The following NLRP9 variants were observed in gnomAD, a reference collection of about 807,000 sequenced individuals.
NLRP9 encodes the protein NLR family pyrin domain containing 9.
A neutral mutation model predicts 83.1 loss-of-function variants in NLRP9; 88 were observed. The observed-to-expected ratio is 1.06, with a 90% CI of 0.89 to 1.26. The LOEUF (loss-of-function observed/expected upper bound fraction) is 1.26. Ranked by LOEUF, NLRP9 falls within the 50% of genes most tolerant of loss-of-function variation. The pLI is 0.00. For missense variants in NLRP9, 1,308 were observed against 1,179.3 expected (o/e 1.11, Z -1.60); for synonymous variants, 521 against 447.6 (o/e 1.16, Z -2.07).
At chr19:55,720,248 C>A (rs904922106) in intron 4 of NLRP9, among the ~76,000 whole-genome samples, 15 of 152,106 alleles carry the variant, frequency 9.9e-5, no homozygotes, top group African/African-American at 3.4e-4. Context: ...TAGGTCATAG[C>A]CCCACTTGTG....
intron 4 of NLRP9, 37 bp downstream of exon 4, chr19:55,723,943 A>G: frequency 1.2e-5 from 18 of 1,564,990 alleles, no homozygotes; most frequent in Non-Finnish European, 1.6e-5. Flanking sequence ...CCCACCTTGG[A>G]AAGAAACAGC....
In NLRP9 at chr19:55,731,595, G is replaced by A. The variant is rs563618420; in HGVS notation, c.1832+404C>T. Reference sequence around the variant, plus strand: ...AAAAATTAGCCGGGCGTGGTGGCGGGCACCTGTAATCCCAGCTACCTGGGA... The same window carrying A: ...AAAAATTAGCCGGGCGTGGTGGCGGACACCTGTAATCCCAGCTACCTGGGA... On this transcript the variant is annotated intron_variant, in intron 2 of 8. Transcript: ENST00000332836. Among the ~76,000 whole-genome samples the A allele has an allele frequency of 2.6e-5, 4 of 151,932 alleles. No homozygotes were observed. In the East Asian group the frequency reaches 7.8e-4, roughly 30 times the overall value.
chr19:55,709,064 G>T lies in NLRP9; in HGVS notation c.2844-20C>A, dbSNP rs1987581059. ...TGCAGCCTGGGAAAATAGAAATAAAGTTTTTTTTTTTGTTTTTCATTTTTA... is the reference window on the plus strand; with the variant it reads ...TGCAGCCTGGGAAAATAGAAATAAATTTTTTTTTTTTGTTTTTCATTTTTA... On this transcript the variant is annotated intron_variant, in intron 8 of 8. Coordinates refer to ENST00000332836, the MANE Select transcript of NLRP9 (RefSeq NM_176820.4). The T allele has an allele frequency of 9.5e-6, 12 of 1,260,632 alleles. No individual in the cohort carries two copies. The highest frequency in any genetic ancestry group is 8.8e-5 in the East Asian group (3 of 34,032). The allele number at this position is 1,260,632 out of a possible 1,614,324, so 78.1% of individuals were successfully genotyped here. A position where few individuals can be genotyped will look rare whatever the true frequency, so the allele number is the denominator to read the frequency against.
At chr19:55,731,782 A>G (rs1004826041) in intron 2 of NLRP9, among the ~76,000 whole-genome samples, 14 of 151,988 alleles carry the variant, frequency 9.2e-5, no homozygotes, top group African/African-American at 3.4e-4. Context: ...AGCCCTATGA[A>G]GTAGACAAAA....
At position 55,711,686 on chromosome 19, in the gene NLRP9, C is replaced by T. The variant is rs377610612; in HGVS notation, c.2843+114G>A. On this transcript the variant is annotated intron_variant, in intron 8 of 8. Transcript: ENST00000332836. ...GTCAACAGGGGCCCAAGGACAGGCC[C>T]CCACCACAAACAACCCTCCAGCCTG... 1,151 of 1,065,786 alleles carry T rather than the reference C, an allele frequency of 1.1e-3. 23 individuals carry two copies. The South Asian group carries it at 0.015, about 14-fold the overall frequency. 66.0% of individuals were successfully genotyped at this position (1,065,786 alleles called of 1,614,324 possible).
chr19:55,733,434 T>C lies in NLRP9; in HGVS notation c.397A>G (p.Lys133Glu). The change falls in exon 2 of 9, where the codon AAA becomes GAA. Residue 133 changes from lysine (K) to glutamate (E), a missense_variant. Lys to Glu is a moderately conservative substitution (Grantham distance 56). Coordinates refer to ENST00000332836, the MANE Select transcript of NLRP9 (RefSeq NM_176820.4). ...GCAGTATATGCGTCATTCAATTCTT[T>C]ATACTCATTTTTCATGGTTTCTTTG... is the stretch of plus-strand genomic sequence containing the variant. ...FYKETMKNEY[K>E]ELNDAYTAAA... 2 of 1,614,050 alleles carry C rather than the reference T, an allele frequency of 1.2e-6. No homozygotes were observed. Among genetic ancestry groups the C allele is most frequent in the Non-Finnish European group, 1.7e-6 (2 of 1,179,916 alleles).
At chr19:55,728,343 G>C (rs189442964) in intron 3 of NLRP9, among the ~76,000 whole-genome samples, 1 of 152,208 alleles carries the variant, frequency 6.6e-6, no homozygotes, top group East Asian at 1.9e-4. Flanking sequence ...TTGGGAGGCC[G>C]AGGCGGGCGC....
chr19:55,731,362 T>TG (rs1374344335), intron 2 of NLRP9, among the ~76,000 whole-genome samples: 2 of 120,850 alleles, frequency 1.7e-5, no homozygotes, highest in African/African-American at 3.2e-5. Context: ...ATAAAAATGG[T>TG]GAAAAAAAAA....
intron 3 of NLRP9, among the ~76,000 whole-genome samples, chr19:55,725,728 T>TGAAAACAGG (rs1988380296): frequency 6.6e-6 from 1 of 151,934 alleles, no homozygotes; most frequent in East Asian, 1.9e-4. Context: ...TGCTACCACA[T>TGAAAACAGG]GAAAACAGGG....
chr19:55,710,325 C>T (rs1348032468), intron 8 of NLRP9, among the ~76,000 whole-genome samples: 1 of 152,164 alleles, frequency 6.6e-6, no homozygotes, highest in African/African-American at 2.4e-5. Flanking sequence ...TGCTATACAG[C>T]TCCCCGGGAC....
chr19:55,721,575 G>T (rs557652511), intron 4 of NLRP9, among the ~76,000 whole-genome samples: 2 of 152,204 alleles, frequency 1.3e-5, no homozygotes, highest in South Asian at 4.1e-4. Context: ...GCACTCAGTA[G>T]TCCAGTACTA....
chr19:55,723,204 G>T (rs186362474), intron 4 of NLRP9, among the ~76,000 whole-genome samples: 2 of 152,068 alleles, frequency 1.3e-5, no homozygotes, highest in Non-Finnish European at 2.9e-5. Flanking sequence ...ACCCAGTTAG[G>T]ACAGGGGCTG....
chr19:55,714,332 C>A (rs1027018595), intron 6 of NLRP9, among the ~76,000 whole-genome samples: 1 of 151,280 alleles, frequency 6.6e-6, no homozygotes, highest in African/African-American at 2.4e-5. Context: ...CACCTGCATG[C>A]ATTGATCATA....
At chr19:55,713,615 TC>T (rs1472151218) in intron 6 of NLRP9, among the ~76,000 whole-genome samples, 1 of 29,894 alleles carries the variant, frequency 3.3e-5, no homozygotes, top group Non-Finnish European at 6.6e-5. Context: ...TCCTCCCCTC[TC>T]CCTCTTACTC....
At chr19:55,729,062 T>TTTTTTTTTTTTTTTTTC (rs1988490606) in intron 3 of NLRP9, among the ~76,000 whole-genome samples, 1 of 141,612 alleles carries the variant, frequency 7.1e-6, no homozygotes, top group Non-Finnish European at 1.5e-5. Flanking sequence ...TTTTTTTTTT[T>TTTTTTTTTTTTTTTTTC]TTTTTTTTTT....
chr19:55,724,291 C>A (rs1406386884), intron 3 of NLRP9, 147 bp from the exon 4 acceptor site: 4 of 596,104 alleles, frequency 6.7e-6, no homozygotes, highest in African/African-American at 1.9e-5. Flanking sequence ...TAAATTATTT[C>A]TCGATGGGGT....
intron 1 of NLRP9, 26 bp from the exon 2 acceptor site, chr19:55,733,576 G>C: frequency 7.6e-7 from 1 of 1,313,490 alleles, no homozygotes; most frequent in Non-Finnish European, 1.1e-6. Flanking sequence ...CAGGATATAA[G>C]ATAGGTAAAA....
In NLRP9 at chr19:55,738,351, A is replaced by C; in HGVS notation, c.24T>G (p.Asp8Glu). ...CCTTCAGATACCACAACAAGCCAAA[A>C]TCCGAAAAAAAAGATTCTGCCATAT... MAESFFS[D>E]FGLLWYLKEL... The change falls in exon 1 of 9, where the codon GAT becomes GAG. Residue 8 changes from aspartate to glutamate, a missense_variant. Transcript: ENST00000332836. The C allele has an allele frequency of 6.2e-7, 1 of 1,613,486 alleles. No individual in the cohort carries two copies.
intron 3 of NLRP9, among the ~76,000 whole-genome samples, chr19:55,729,583 G>A (rs1008061855): frequency 2.0e-5 from 3 of 151,966 alleles, no homozygotes; most frequent in Non-Finnish European, 4.4e-5. Flanking sequence ...TTTTATGGCT[G>A]CATAGTATTC....
Sources: gnomAD v4.1 joint callset for allele counts (sites outside exome capture counted in the v4.1 genomes callset) on GRCh38, gnomAD v4.1.1 for gene constraint, MANE v1.5 for transcripts, NCBI Gene and HGNC (gene_info 2026-07-23, HGNC 2026-07-21) for gene names.